GLYATL2: variants seen among roughly 807,000 people sequenced by gnomAD.
The protein encoded by GLYATL2 is glycine N-acyltransferase-like protein 2.
In GLYATL2, 25 loss-of-function variants were observed where a neutral mutation model predicts 21.4. That is an observed-to-expected ratio of 1.17 (90% CI 0.85 to 1.63). GLYATL2 has a LOEUF of 1.63. Among genes scored for constraint, GLYATL2 ranks in the 40% most tolerant of loss-of-function variants. GLYATL2 has a pLI of 0.00. For synonymous variants in GLYATL2, 114 were observed against 118.2 expected (o/e 0.96, Z 0.23); for missense variants, 361 against 343.3 (o/e 1.05, Z -0.41).
intron 1 of GLYATL2, among the ~76,000 whole-genome samples, chr11:58,898,893 T>C (rs980260505): frequency 1.3e-5 from 2 of 152,164 alleles, no homozygotes; most frequent in Non-Finnish European, 2.9e-5. Context: ...GCTACTGATA[T>C]AATATGTGAA....
At chr11:58,900,186 A>G (rs992143069) in intron 1 of GLYATL2, among the ~76,000 whole-genome samples, 5 of 152,238 alleles carry the variant, frequency 3.3e-5, no homozygotes, top group African/African-American at 1.2e-4. Flanking sequence ...ACGCGTGGAC[A>G]GCAGGATGGA....
At position 58,877,117 on chromosome 11, in the gene GLYATL2, G is replaced by A. The variant is rs138411358; in HGVS notation, n.60+27039C>T. ...GCAGGATATAATCTCCTGGTGTGCC[G>A]TTTGATAAGCCTGTTGGAAAAGCAC... On this transcript the variant is annotated intron_variant and non_coding_transcript_variant, in intron 1 of 4. Transcript: ENST00000533636. Among the ~76,000 whole-genome samples, 152 of 152,342 alleles carry A rather than the reference G, an allele frequency of 1.0e-3. 2 individuals carry two copies. The highest frequency in any genetic ancestry group is 2.9e-3 in the African/African-American group (121 of 41,586).
chr11:58,840,412 A>C (rs982927037), intron 1 of GLYATL2, among the ~76,000 whole-genome samples: 12 of 152,192 alleles, frequency 7.9e-5, no homozygotes, highest in Admixed American at 3.3e-4. Flanking sequence ...GAAATGATCA[A>C]GTTAATGATG....
chr11:58,899,157 CAGGTTGAGA>C (rs1188433152), intron 1 of GLYATL2, among the ~76,000 whole-genome samples: 1 of 152,166 alleles, frequency 6.6e-6, no homozygotes, highest in African/African-American at 2.4e-5. Flanking sequence ...ATGAGGGCTT[CAGGTTGAGA>C]TTAACAACCA....
At chr11:58,860,660 A>G (rs1303364711) in intron 1 of GLYATL2, among the ~76,000 whole-genome samples, 1 of 152,068 alleles carries the variant, frequency 6.6e-6, no homozygotes, top group African/African-American at 2.4e-5. Context: ...CGTGAGGGTG[A>G]GCATCCTTGC....
At chr11:58,871,849 G>A (rs1237072152) in intron 1 of GLYATL2, among the ~76,000 whole-genome samples, 3 of 152,176 alleles carry the variant, frequency 2.0e-5, no homozygotes, top group African/African-American at 7.2e-5. Flanking sequence ...GATGCCTGAG[G>A]AATTGCCACA....
intron 5 of GLYATL2, among the ~76,000 whole-genome samples, chr11:58,836,169 T>C (rs951452817): frequency 1.4e-4 from 21 of 152,344 alleles, no homozygotes; most frequent in South Asian, 6.2e-4. Flanking sequence ...TAGATGTATA[T>C]GTACATTTGT....
At chr11:58,865,169 C>T (rs560200321) in intron 1 of GLYATL2, among the ~76,000 whole-genome samples, 15 of 146,176 alleles carry the variant, frequency 1.0e-4, no homozygotes, top group Admixed American at 2.8e-4. Flanking sequence ...GAAAGTTAAA[C>T]GCAATAGAGG....
upstream of GLYATL2, among the ~76,000 whole-genome samples, chr11:58,845,413 C>A (rs182350203): frequency 6.6e-6 from 1 of 152,228 alleles, no homozygotes; most frequent in Non-Finnish European, 1.5e-5. Flanking sequence ...CAAGCCAGGG[C>A]GACCTAATAA....
At chr11:58,895,705 C>A (rs1195927082) in intron 1 of GLYATL2, among the ~76,000 whole-genome samples, 1 of 152,006 alleles carries the variant, frequency 6.6e-6, no homozygotes, top group South Asian at 2.1e-4. Flanking sequence ...AAAACCAGCC[C>A]CCATATAATT....
chr11:58,883,865 C>G (rs759611014), intron 1 of GLYATL2, among the ~76,000 whole-genome samples: 2 of 152,282 alleles, frequency 1.3e-5, no homozygotes, highest in Middle Eastern at 3.4e-3. Context: ...AAAGCTTATT[C>G]ACCACGATCA....
At chr11:58,847,555 T>C (rs1853665004), upstream of GLYATL2, among the ~76,000 whole-genome samples, 1 of 152,182 alleles carries the variant, frequency 6.6e-6, no homozygotes, top group Non-Finnish European at 1.5e-5. Context: ...TGGTTGGTAG[T>C]CTGGCAACCA....
At chr11:58,905,421 C>T, upstream of GLYATL2, 1 of 450,728 alleles carries the variant, frequency 2.2e-6, no homozygotes, top group South Asian at 1.6e-5. Context: ...CCGCCGCCGA[C>T]CCATCAGCGG....
chr11:58,857,762 G>A (rs774452910), intron 1 of GLYATL2, among the ~76,000 whole-genome samples: 2 of 151,202 alleles, frequency 1.3e-5, no homozygotes, highest in Non-Finnish European at 2.9e-5. Context: ...TTTGCATCTT[G>A]ACTCCAGACT....
At chr11:58,902,816 G>T (rs550772054) in intron 1 of GLYATL2, among the ~76,000 whole-genome samples, 2 of 152,206 alleles carry the variant, frequency 1.3e-5, no homozygotes, top group Non-Finnish European at 2.9e-5. Flanking sequence ...TCTGTCCTCA[G>T]GGATGCTGGA....
chr11:58,869,603 T>C (rs1284665449), intron 1 of GLYATL2, among the ~76,000 whole-genome samples: 1 of 152,216 alleles, frequency 6.6e-6, no homozygotes, highest in Non-Finnish European at 1.5e-5. Context: ...TGTATATGCA[T>C]CTAGATGTGT....
intron 1 of GLYATL2, among the ~76,000 whole-genome samples, chr11:58,887,471 G>A (rs1435417887): frequency 6.6e-6 from 1 of 152,012 alleles, no homozygotes; most frequent in Non-Finnish European, 1.5e-5. Flanking sequence ...TATACAAGTG[G>A]AAAAATCCAA....
At chr11:58,854,809 TTTG>T (rs1853801127) in intron 1 of GLYATL2, among the ~76,000 whole-genome samples, 1 of 152,228 alleles carries the variant, frequency 6.6e-6, no homozygotes, top group Non-Finnish European at 1.5e-5. Flanking sequence ...TTAGAAATCC[TTTG>T]TTATCATTTC....
At chr11:58,869,612 G>T (rs1298725780) in intron 1 of GLYATL2, among the ~76,000 whole-genome samples, 17 of 152,168 alleles carry the variant, frequency 1.1e-4, no homozygotes. Flanking sequence ...ATCTAGATGT[G>T]TTTATGTGTA....
Sources: allele counts gnomAD v4.1 joint callset (sites outside exome capture counted in the v4.1 genomes callset), GRCh38; gene constraint gnomAD v4.1.1; transcripts MANE v1.5; gene names NCBI Gene and HGNC (gene_info 2026-07-23, HGNC 2026-07-21).